CSMD1: variants seen among roughly 807,000 people sequenced by gnomAD.
The protein encoded by CSMD1 is CUB and sushi domain-containing protein 1.
CSMD1 carries 213 observed loss-of-function variants against 417.5 expected under a neutral mutation model. The observed-to-expected ratio is 0.51, with a 90% CI of 0.46 to 0.57. The LOEUF (loss-of-function observed/expected upper bound fraction) is 0.57. Ranked by LOEUF, CSMD1 falls within the 20% of genes least tolerant of loss-of-function variation. CSMD1 has a pLI of 0.00. For synonymous variants in CSMD1, 2,862 were observed against 1,736.8 expected (o/e 1.65, Z -16.11); for missense variants, 6,923 against 4,529.7 (o/e 1.53, Z -15.17).
At chr8:4,696,983 C>T (rs188077690) in intron 1 of CSMD1, among the ~76,000 whole-genome samples, 24 of 152,128 alleles carry the variant, frequency 1.6e-4, no homozygotes, top group African/African-American at 5.3e-4. Flanking sequence ...ACCAGCCTGA[C>T]GAACATGGTG....
At chr8:4,099,252 T>C (rs1554448115) in intron 3 of CSMD1, among the ~76,000 whole-genome samples, 1 of 151,704 alleles carries the variant, frequency 6.6e-6, no homozygotes, top group Non-Finnish European at 1.5e-5. Flanking sequence ...TCTTCAAGTG[T>C]CTTTCTTTGT....
At chr8:3,515,020 A>T (rs1457454907) in intron 10 of CSMD1, among the ~76,000 whole-genome samples, 1 of 152,232 alleles carries the variant, frequency 6.6e-6, no homozygotes, top group Non-Finnish European at 1.5e-5. Flanking sequence ...CTAACATTTA[A>T]TCAAATTTAT....
intron 54 of CSMD1, among the ~76,000 whole-genome samples, chr8:2,986,823 A>G (rs1264503659): frequency 6.6e-6 from 1 of 152,120 alleles, no homozygotes; most frequent in Non-Finnish European, 1.5e-5. Context: ...ATTTTTTACC[A>G]AAGAAAATAT....
intron 3 of CSMD1, among the ~76,000 whole-genome samples, chr8:4,231,318 C>A (rs1801713485): frequency 6.6e-6 from 1 of 152,142 alleles, no homozygotes; most frequent in Non-Finnish European, 1.5e-5. Flanking sequence ...AGTCATGGGT[C>A]CAACCTCACA....
intron 5 of CSMD1, among the ~76,000 whole-genome samples, chr8:3,965,632 T>C (rs1439574917): frequency 6.6e-6 from 1 of 152,108 alleles, no homozygotes; most frequent in Non-Finnish European, 1.5e-5. Flanking sequence ...ATTTATTTAT[T>C]TTTGAAATGG....
chr8:3,862,921 T>C (rs1804817281), intron 5 of CSMD1, among the ~76,000 whole-genome samples: 1 of 152,134 alleles, frequency 6.6e-6, no homozygotes, highest in African/African-American at 2.4e-5. Context: ...ATTACATTTG[T>C]CTGGGGATTT....
chr8:3,701,356 C>G (rs1049508254), intron 7 of CSMD1, among the ~76,000 whole-genome samples: 3 of 152,036 alleles, frequency 2.0e-5, no homozygotes, highest in Non-Finnish European at 2.9e-5. Context: ...CATGACTTCT[C>G]TTTTTCTTTG....
At chr8:3,234,555 T>C (rs1427948668) in intron 26 of CSMD1, among the ~76,000 whole-genome samples, 3 of 152,094 alleles carry the variant, frequency 2.0e-5, no homozygotes, top group South Asian at 2.1e-4. Flanking sequence ...GGAATGACAA[T>C]AGGAGTTACC....
intron 1 of CSMD1, among the ~76,000 whole-genome samples, chr8:4,856,348 C>T (rs1387278798): frequency 6.9e-6 from 1 of 145,482 alleles, no homozygotes. Flanking sequence ...TAGGAAGAAA[C>T]TGCATCAACT....
chr8:4,234,634 G>C (rs908121040), intron 3 of CSMD1, among the ~76,000 whole-genome samples: 1 of 152,130 alleles, frequency 6.6e-6, no homozygotes, highest in Non-Finnish European at 1.5e-5. Flanking sequence ...TCTAGGACAT[G>C]GAAGATTGCA....
intron 10 of CSMD1, among the ~76,000 whole-genome samples, chr8:3,524,310 C>T (rs771627408): frequency 6.6e-6 from 1 of 151,450 alleles, no homozygotes; most frequent in African/African-American, 2.4e-5. Context: ...CACTCAGAGA[C>T]ATATGCACAC....
intron 1 of CSMD1, among the ~76,000 whole-genome samples, chr8:4,751,215 T>G (rs766200043): frequency 1.6e-4 from 25 of 152,098 alleles, no homozygotes; most frequent in Non-Finnish European, 3.4e-4. Context: ...CGAAGACCCA[T>G]CTCTACTAAA....
At position 3,409,408 on chromosome 8, in the gene CSMD1, A is replaced by C; in HGVS notation, c.1744+15T>G. 1 of 1,598,704 alleles carries C rather than the reference A, an allele frequency of 6.3e-7. No homozygotes were observed. Among genetic ancestry groups the C allele is most frequent in the Non-Finnish European group, 8.5e-7 (1 of 1,171,568 alleles). On this transcript the variant is annotated intron_variant, in intron 13 of 69. Transcript: ENST00000635120. Reference sequence around the variant, plus strand: ...GCAGGACAGGAGGGAGTCCAGGTCAAGGCATAATACTCACATACACAGCTG... The same window carrying C: ...GCAGGACAGGAGGGAGTCCAGGTCACGGCATAATACTCACATACACAGCTG...
intron 3 of CSMD1, among the ~76,000 whole-genome samples, chr8:4,344,164 G>T (rs1261753059): frequency 6.6e-6 from 1 of 152,058 alleles, no homozygotes; most frequent in Non-Finnish European, 1.5e-5. Flanking sequence ...TTGTTAATCT[G>T]CTTTTTCATA....
chr8:3,394,012 T>TAAATTTTATATATATA (rs1554536992), intron 17 of CSMD1, among the ~76,000 whole-genome samples: 7 of 31,612 alleles, frequency 2.2e-4, no homozygotes, highest in Admixed American at 4.4e-4. Flanking sequence ...AAAAAATAAA[T>TAAATTTTATATATATA]TATATATATA....
At chr8:4,960,863 ATGTT>A (rs1809430503) in intron 1 of CSMD1, among the ~76,000 whole-genome samples, 1 of 152,134 alleles carries the variant, frequency 6.6e-6, no homozygotes, top group African/African-American at 2.4e-5. Flanking sequence ...TAATAATAAA[ATGTT>A]TATTTTTAAA....
In CSMD1 at chr8:4,903,192, T is replaced by C. The variant is rs138600754; in HGVS notation, c.85+91140A>G. Among the ~76,000 whole-genome samples, 342 of 152,290 alleles carry C rather than the reference T, an allele frequency of 2.2e-3. 1 individual carries two copies. The highest frequency in any genetic ancestry group is 4.4e-3 in the Admixed American group (67 of 15,278). On this transcript the variant is annotated intron_variant, in intron 1 of 69. Coordinates refer to ENST00000635120, the MANE Select transcript of CSMD1 (RefSeq NM_033225.6). ...AATCTTCCCACAGGAACATTTGTTATTTAGTTTTAAAACAGTGCTTCTCTC... is the reference window on the plus strand; with the variant it reads ...AATCTTCCCACAGGAACATTTGTTACTTAGTTTTAAAACAGTGCTTCTCTC...
At chr8:3,652,318 G>A (rs28581889) in intron 7 of CSMD1, among the ~76,000 whole-genome samples, 38,971 of 145,530 alleles carry the variant, frequency 0.27, 5,230 homozygotes, top group Admixed American at 0.35. Context: ...AACCACCATC[G>A]GAGTGCTCAC....
At chr8:4,036,021 T>C (rs1049250147) in intron 3 of CSMD1, among the ~76,000 whole-genome samples, 1 of 152,196 alleles carries the variant, frequency 6.6e-6, no homozygotes, top group African/African-American at 2.4e-5. Flanking sequence ...ACCTTTTCTA[T>C]GTTTAGAGAC....
Sources: allele counts gnomAD v4.1 joint callset (sites outside exome capture counted in the v4.1 genomes callset), GRCh38; gene constraint gnomAD v4.1.1; transcripts MANE v1.5; gene names NCBI Gene and HGNC (gene_info 2026-07-23, HGNC 2026-07-21).